The following IGDCC4 variants were observed in gnomAD, a reference collection of about 807,000 sequenced individuals.
The protein encoded by IGDCC4 is likely ortholog of mouse neighbor of Punc E11.
IGDCC4 carries 72 observed loss-of-function variants against 116.6 expected under a neutral mutation model. The ratio of observed to expected loss-of-function variants is 0.62; its 90% CI spans 0.51 to 0.75. IGDCC4 has a LOEUF of 0.75. IGDCC4 is among the 30% of genes least tolerant of loss of function. IGDCC4 has a pLI of 0.00. For missense variants in IGDCC4, 1,501 were observed against 1,662.4 expected, an observed-to-expected ratio of 0.90 and a Z score of 1.69; for synonymous variants, 709 against 719.9, an observed-to-expected ratio of 0.98 and a Z score of 0.24.
In IGDCC4 at chr15:65,400,902, C is replaced by T. The variant is rs753195920; in HGVS notation, c.745G>A (p.Ala249Thr). 1.1e-5 allele frequency: 18 copies of T among 1,614,068 alleles called. No homozygotes were observed. The highest frequency in any genetic ancestry group is 1.5e-5 in the Non-Finnish European group (18 of 1,180,036). The change falls in exon 5 of 20, where the codon GCC becomes ACC. Residue 249 changes from alanine (A) to threonine (T), a missense_variant. Coordinates refer to ENST00000352385, the MANE Select transcript of IGDCC4 (RefSeq NM_020962.3). ...GACACCACTGTGGTGTTCTCTGGGG[C>T]TGCCACAATGACCACGTCCTGCCCC... ...TRGQDVVIVAAPENTTVVSGQ... is the reference protein window; with the variant it reads ...TRGQDVVIVATPENTTVVSGQ...
chr15:65,415,395 G>C (rs1217611413), intron 1 of IGDCC4, among the ~76,000 whole-genome samples: 5 of 152,184 alleles, frequency 3.3e-5, no homozygotes, highest in Admixed American at 3.3e-4. Context: ...CGGCTGGCTG[G>C]GGAGCCCAGA....
At position 65,410,880 on chromosome 15, in the gene IGDCC4, A is replaced by G. The variant is rs979389680; in HGVS notation, c.421+140T>C. ...GATAGACAATACCAGGAAGAGACCT[A>G]TTGAGCAGGATGGGAGGCAGGGAAA... On this transcript the variant is annotated intron_variant, in intron 2 of 19. Coordinates refer to ENST00000352385, the MANE Select transcript of IGDCC4 (RefSeq NM_020962.3). 1.7e-5 allele frequency: 11 copies of G among 643,200 alleles called. No individual in the cohort carries two copies. The Admixed American group carries it at 3.2e-4, about 19-fold the overall frequency. The allele number at this position is 643,200 out of a possible 1,614,324, so 39.8% of individuals were successfully genotyped here.
intron 5 of IGDCC4, among the ~76,000 whole-genome samples, chr15:65,398,674 G>A (rs189961280): frequency 1.4e-4 from 22 of 151,810 alleles, no homozygotes; most frequent in Non-Finnish European, 2.8e-4. Flanking sequence ...GTTGGATCAC[G>A]AGGTCAGGAG....
At chr15:65,385,784 CT>C (rs2091449298) in intron 18 of IGDCC4, 46 bp downstream of exon 18, 1 of 1,467,636 alleles carries the variant, frequency 6.8e-7, no homozygotes, top group Non-Finnish European at 9.5e-7. Context: ...CTGTCGCCCC[CT>C]GGTGTCCTAT....
rs1436330072 is a variant in IGDCC4, at chr15:65,411,146, G to A, written c.295C>T (p.Leu99=). Residue 99 remains leucine, a synonymous_variant, in exon 2 of 20, where the codon CTA becomes TTA. Transcript: ENST00000352385. The part of the protein sequence containing the change: ...PNGSLWLSQP[L]APNGSDESVP... ...GACTCGTCACTGCCATTGGGTGCTA[G>A]TGGCTGGGACAGCCACAGGGAACCA... 1.9e-6 allele frequency: 3 copies of A among 1,613,368 alleles called. No homozygotes were observed. In the African/African-American group the frequency reaches 4.0e-5, roughly 22 times the overall value.
At position 65,411,240 on chromosome 15, in the gene IGDCC4, G is replaced by A. The variant is rs146641579; in HGVS notation, c.201C>T (p.Pro67=). The A allele has an allele frequency of 3.7e-6, 6 of 1,613,978 alleles. No individual in the cohort carries two copies. The highest frequency in any genetic ancestry group is 1.7e-5 in the Admixed American group (1 of 60,004). Residue 67 remains proline, a synonymous_variant, in exon 2 of 20, where the codon CCC becomes CCT. Transcript: ENST00000352385. The part of the protein sequence containing the change: ...CSLGAAAAGP[P]TRVTWSKDGD... ...CATCCTTGCTCCAGGTCACCCTGGTGGGGGGTCCAGCGGCAGCAGCCCCCA... is the reference window on the plus strand; with the variant it reads ...CATCCTTGCTCCAGGTCACCCTGGTAGGGGGTCCAGCGGCAGCAGCCCCCA...
chr15:65,403,877 G>A (rs603621), intron 3 of IGDCC4, among the ~76,000 whole-genome samples: 87,329 of 152,014 alleles, frequency 0.57, 27,729 homozygotes, highest in African/African-American at 0.85. Flanking sequence ...GGGGGTTGGG[G>A]TGGTGGAGAC....
At chr15:65,410,050 C>T (rs2063075274) in intron 3 of IGDCC4, 128 bp downstream of exon 3, 4 of 1,107,232 alleles carry the variant, frequency 3.6e-6, no homozygotes, top group South Asian at 1.5e-5. Context: ...AGGAGTCAGG[C>T]GGTGGTTAAC....
intron 13 of IGDCC4, 102 bp from the exon 14 acceptor site, chr15:65,389,513 C>T (rs2091492765): frequency 3.9e-6 from 6 of 1,524,260 alleles, no homozygotes; most frequent in Non-Finnish European, 1.8e-6. Context: ...GCCCCAGGCT[C>T]TACCCTGGGA....
intron 4 of IGDCC4, 62 bp from the exon 5 acceptor site, chr15:65,401,008 C>A: frequency 6.2e-7 from 1 of 1,606,284 alleles, no homozygotes; most frequent in Non-Finnish European, 8.5e-7. Context: ...CGATACCTCA[C>A]CTGAGTCTCA....
intron 5 of IGDCC4, among the ~76,000 whole-genome samples, chr15:65,397,911 G>A (rs2062942798): frequency 1.3e-5 from 2 of 152,114 alleles, no homozygotes; most frequent in South Asian, 4.1e-4. Context: ...TAACTGGAAA[G>A]GACTTAAAAA....
At position 65,402,634 on chromosome 15, in the gene IGDCC4, G is replaced by A. The variant is rs373066026; in HGVS notation, c.564-147C>T. On this transcript the variant is annotated intron_variant, in intron 3 of 19. Transcript: ENST00000352385. ...CTATAATCCCAGCACTTTGGGAGGC[G>A]AGGCGGGCGAATCACATGAGGTCGG... is the stretch of plus-strand genomic sequence containing the variant. 5.3e-5 allele frequency: 57 copies of A among 1,066,398 alleles called. 1 individual carries two copies. The highest frequency in any genetic ancestry group is 5.0e-4 in the South Asian group (30 of 59,688). The allele number at this position is 1,066,398 out of a possible 1,614,324, so 66.1% of individuals were successfully genotyped here.
At position 65,384,257 on chromosome 15, in the gene IGDCC4, C is replaced by T; in HGVS notation, c.3505G>A (p.Gly1169Ser). 4 of 1,604,458 alleles carry T rather than the reference C, an allele frequency of 2.5e-6. No individual in the cohort carries two copies. The highest frequency in any genetic ancestry group is 1.7e-4 in the Middle Eastern group (1 of 6,008). The change falls in exon 20 of 20, where the codon GGT (glycine) becomes AGT (serine). Residue 1169 changes from glycine (G) to serine (S), a missense_variant. Physicochemically the swap from Gly to Ser is moderately conservative, Grantham distance 56. Transcript: ENST00000352385. This position sits in a 1 kb window ranked among gnomAD's most constrained non-coding sequence, Gnocchi z 4.9. Reference sequence around the variant, plus strand: ...GCCCCCTGCCCTGGATCCCCAACACCCGAGATGAGATCAGGAGCCTCTGGA... The same window carrying T: ...GCCCCCTGCCCTGGATCCCCAACACTCGAGATGAGATCAGGAGCCTCTGGA... ...LPPEAPDLISGVGDPGQGAAW... is the reference protein window; with the variant it reads ...LPPEAPDLISSVGDPGQGAAW...
chr15:65,405,887 C>T (rs1194641824), intron 3 of IGDCC4, among the ~76,000 whole-genome samples: 1 of 152,230 alleles, frequency 6.6e-6, no homozygotes, highest in Non-Finnish European at 1.5e-5. Flanking sequence ...CTCCTACCCA[C>T]AAAAGGCCAC....
intron 3 of IGDCC4, 114 bp from the exon 4 acceptor site, chr15:65,402,601 G>A (rs930255062): frequency 2.0e-5 from 27 of 1,351,154 alleles, no homozygotes; most frequent in Non-Finnish European, 2.6e-5. Context: ...GGGCGCAGTG[G>A]CTCACGCCTA....
At chr15:65,411,686 C>G (rs1214480103) in intron 1 of IGDCC4, among the ~76,000 whole-genome samples, 1 of 152,210 alleles carries the variant, frequency 6.6e-6, no homozygotes, top group Non-Finnish European at 1.5e-5. Flanking sequence ...ATGCATGCTA[C>G]AAGGTAGCAA....
In IGDCC4 at chr15:65,383,894, C is replaced by T; in HGVS notation, c.*115G>A. The T allele has an allele frequency of 9.8e-7, 1 of 1,017,960 alleles. No homozygotes were observed. Among genetic ancestry groups the T allele is most frequent in the Non-Finnish European group, 1.4e-6 (1 of 725,624 alleles). 63.1% of individuals were successfully genotyped at this position (1,017,960 alleles called of 1,614,324 possible). On this transcript the variant is annotated 3_prime_UTR_variant, in exon 20 of 20. Transcript: ENST00000352385. ...CCCTCAGCCAAAGCAACTTAGGAAGCTCCAAAGGGCTTGATGATGTATCTA... is the reference window on the plus strand; with the variant it reads ...CCCTCAGCCAAAGCAACTTAGGAAGTTCCAAAGGGCTTGATGATGTATCTA...
intron 18 of IGDCC4, 149 bp downstream of exon 18, chr15:65,385,682 A>AC (rs2091448230): frequency 2.7e-6 from 2 of 738,112 alleles, no homozygotes; most frequent in Non-Finnish European, 4.9e-6. Flanking sequence ...CTGACAGCCA[A>AC]CCATTCCGTG....
intron 18 of IGDCC4, chr15:65,385,393 G>A (rs780108088): frequency 2.2e-5 from 12 of 544,470 alleles, no homozygotes; most frequent in Non-Finnish European, 3.9e-5. Context: ...GGGAGGACGG[G>A]TCGGAGTTGG....
Sources: gnomAD v4.1 joint callset for allele counts (sites outside exome capture counted in the v4.1 genomes callset) on GRCh38, gnomAD v4.1.1 for gene constraint, Gnocchi (gnomAD v3.1) non-coding constraint, MANE v1.5 for transcripts, NCBI Gene and HGNC (gene_info 2026-07-23, HGNC 2026-07-21) for gene names.